The following PPARGC1A variants were observed in gnomAD, a reference collection of about 807,000 sequenced individuals.
PPARGC1A encodes peroxisome proliferator-activated receptor gamma coactivator 1-alpha.
A neutral mutation model predicts 88.7 loss-of-function variants in PPARGC1A; 25 were observed. The ratio of observed to expected loss-of-function variants is 0.28; its 90% CI spans 0.21 to 0.39. The LOEUF is 0.39. Among genes scored for constraint, PPARGC1A ranks in the 10% least tolerant of loss-of-function variants. The pLI, the probability that PPARGC1A is intolerant of heterozygous loss-of-function variation, is 1.00. For synonymous variants in PPARGC1A, 363 were observed against 355.6 expected (o/e 1.02, Z -0.24); for missense variants, 880 against 968.7 (o/e 0.91, Z 1.22).
At chr4:24,148,021 G>A in the PPARGC1A span, among the ~76,000 whole-genome samples, 1 of 152,060 alleles carries the variant, frequency 6.6e-6, no homozygotes, top group African/African-American at 2.4e-5. Flanking sequence ...TTTTGCAACT[G>A]GAAAAATTTG....
chr4:24,418,753 A>T, the PPARGC1A span, among the ~76,000 whole-genome samples: 3 of 152,308 alleles, frequency 2.0e-5, no homozygotes, highest in East Asian at 3.9e-4. Flanking sequence ...TTTCATTATG[A>T]ATCCCATTGT....
chr4:24,252,399 T>C, the PPARGC1A span, among the ~76,000 whole-genome samples: 312 of 152,264 alleles, frequency 2.0e-3, no homozygotes, highest in African/African-American at 7.4e-3. Context: ...AGCTTTTCAG[T>C]TGTGTTTCTG....
chr4:24,046,799 A>G, the PPARGC1A span, among the ~76,000 whole-genome samples: 2 of 152,162 alleles, frequency 1.3e-5, no homozygotes, highest in Non-Finnish European at 1.5e-5. Context: ...ATGTTTCACA[A>G]AAATCTCTCA....
chr4:24,123,047 G>A, the PPARGC1A span, among the ~76,000 whole-genome samples: 20 of 152,130 alleles, frequency 1.3e-4, no homozygotes, highest in Admixed American at 9.8e-4. Flanking sequence ...GCAAACACAC[G>A]CACTGGTGGT....
chr4:24,310,966 A>G, the PPARGC1A span, among the ~76,000 whole-genome samples: 2,062 of 152,236 alleles, frequency 0.014, 63 homozygotes, highest in African/African-American at 0.048. Flanking sequence ...GTAATGAATG[A>G]GTAAATGTGA....
At chr4:24,450,074 T>C in the PPARGC1A span, among the ~76,000 whole-genome samples, 1 of 152,224 alleles carries the variant, frequency 6.6e-6, no homozygotes, top group Non-Finnish European at 1.5e-5. Context: ...AGAAAATATT[T>C]TATTGAAACT....
At chr4:24,026,798 C>A in the PPARGC1A span, among the ~76,000 whole-genome samples, 1 of 152,070 alleles carries the variant, frequency 6.6e-6, no homozygotes, top group Non-Finnish European at 1.5e-5. Flanking sequence ...AGAAACACAG[C>A]CTGAGAAATT....
intron 2 of PPARGC1A, among the ~76,000 whole-genome samples, chr4:23,851,745 T>A (rs2148666144): frequency 6.6e-6 from 1 of 152,324 alleles, no homozygotes; most frequent in South Asian, 2.1e-4. Flanking sequence ...ACCTTTTTAT[T>A]GTCTCATGTT....
At chr4:24,202,103 T>A in the PPARGC1A span, among the ~76,000 whole-genome samples, 1 of 152,100 alleles carries the variant, frequency 6.6e-6, no homozygotes, top group Admixed American at 6.5e-5. Flanking sequence ...GGTTTCACCA[T>A]GTTGGCCCAA....
chr4:23,873,213 A>T lies in PPARGC1A; in HGVS notation c.234+11539T>A, dbSNP rs1435278120. On this transcript the variant is annotated intron_variant, in intron 2 of 12. Transcript: ENST00000264867. ...ACTCCGTCTCAAAAATAAAAAATAA[A>T]AAATAAAAAATAAAGAAAAAAATGT... Among the ~76,000 whole-genome samples the T allele has an allele frequency of 2.4e-4, 35 of 146,930 alleles. 1 individual carries two copies. Among genetic ancestry groups the T allele is most frequent in the African/African-American group, 8.4e-4 (34 of 40,496 alleles).
chr4:24,396,314 C>T, the PPARGC1A span, among the ~76,000 whole-genome samples: 111 of 152,290 alleles, frequency 7.3e-4, 2 homozygotes, highest in African/African-American at 2.6e-3. Context: ...ATGACTTACA[C>T]ATGCTCATTC....
At chr4:23,986,262 A>G in the PPARGC1A span, among the ~76,000 whole-genome samples, 2 of 152,126 alleles carry the variant, frequency 1.3e-5, no homozygotes, top group East Asian at 1.9e-4. Flanking sequence ...AAATATTTAC[A>G]TATACTTAAT....
At chr4:24,063,964 C>T in the PPARGC1A span, among the ~76,000 whole-genome samples, 8 of 152,152 alleles carry the variant, frequency 5.3e-5, no homozygotes, top group Non-Finnish European at 1.0e-4. Context: ...CTGGCTTCAA[C>T]ATGCTACTCA....
the PPARGC1A span, among the ~76,000 whole-genome samples, chr4:24,260,884 T>C: frequency 1.3e-5 from 2 of 152,318 alleles, no homozygotes; most frequent in South Asian, 4.1e-4. Flanking sequence ...CAGACTATCT[T>C]CACCTGTTAG....
chr4:24,016,884 A>G, the PPARGC1A span, among the ~76,000 whole-genome samples: 1 of 152,188 alleles, frequency 6.6e-6, no homozygotes, highest in African/African-American at 2.4e-5. Flanking sequence ...TCGTATTAAC[A>G]TTCTCCATCT....
chr4:24,341,935 A>G, the PPARGC1A span, among the ~76,000 whole-genome samples: 1 of 152,214 alleles, frequency 6.6e-6, no homozygotes, highest in Non-Finnish European at 1.5e-5. Context: ...GGAGCAGCCT[A>G]CGACGGGTCT....
chr4:23,870,174 T>C (rs1486712629), intron 2 of PPARGC1A, among the ~76,000 whole-genome samples: 2 of 152,244 alleles, frequency 1.3e-5, no homozygotes, highest in Non-Finnish European at 2.9e-5. Context: ...TTTCCTCACA[T>C]GATCAGGCTT....
the PPARGC1A span, among the ~76,000 whole-genome samples, chr4:24,002,099 G>C: frequency 0.16 from 18,398 of 115,086 alleles, 1,338 homozygotes; most frequent in East Asian, 0.27. Context: ...CACACACACA[G>C]AGAGAGAGAG....
intron 12 of PPARGC1A, among the ~76,000 whole-genome samples, chr4:23,796,437 G>A (rs573103375): frequency 6.6e-6 from 1 of 152,238 alleles, no homozygotes; most frequent in South Asian, 2.1e-4. Flanking sequence ...GTACCTCTTG[G>A]CCTCCCAGAA....
Sources: allele counts gnomAD v4.1 joint callset (sites outside exome capture counted in the v4.1 genomes callset), GRCh38; gene constraint gnomAD v4.1.1; transcripts MANE v1.5; gene names NCBI Gene and HGNC (gene_info 2026-07-23, HGNC 2026-07-21).